RFFL: variants seen among roughly 807,000 people sequenced by gnomAD.
The protein encoded by RFFL is E3 ubiquitin-protein ligase rififylin.
A neutral mutation model predicts 40.4 loss-of-function variants in RFFL; 16 were observed. That is an observed-to-expected ratio of 0.40 (90% CI 0.27 to 0.60). The LOEUF is 0.60. Among genes scored for constraint, RFFL ranks in the 20% least tolerant of loss-of-function variants. RFFL has a pLI of 0.47. For missense variants in RFFL, 367 were observed against 451.7 expected, an observed-to-expected ratio of 0.81 and a Z score of 1.70; for synonymous variants, 154 against 167.9, an observed-to-expected ratio of 0.92 and a Z score of 0.64.
Position 35,026,604 on chromosome 17 carries a change from C to T in RFFL, c.-8-43G>A, listed in dbSNP as rs373143959. 1.6e-3 allele frequency: 2,469 copies of T among 1,514,104 alleles called. 4 individuals carry two copies. Among genetic ancestry groups the T allele is most frequent in the Non-Finnish European group, 2.1e-3 (2,297 of 1,103,360 alleles). The allele number at this position is 1,514,104 out of a possible 1,614,324, so 93.8% of individuals were successfully genotyped here. ...AGGGGAAAAGGTCAGAGTTAAGACA[C>T]ACCTCTACTGTCCTTTTGATGTCCG... On this transcript the variant is annotated intron_variant, in intron 1 of 6. Transcript: ENST00000394597.
intron 1 of RFFL, among the ~76,000 whole-genome samples, chr17:35,032,556 G>A (rs1226389765): frequency 6.6e-6 from 1 of 152,046 alleles, no homozygotes; most frequent in Non-Finnish European, 1.5e-5. Flanking sequence ...GCATGTATCT[G>A]TGTGTGGAGA....
chr17:35,012,875 A>G (rs558969942), intron 6 of RFFL, among the ~76,000 whole-genome samples: 2 of 152,308 alleles, frequency 1.3e-5, no homozygotes, highest in South Asian at 2.1e-4. Flanking sequence ...TATTCAATCA[A>G]TTTTTACAAT....
rs759232147 is a variant in RFFL at position 35,011,961 on chromosome 17, C to G, written c.*7G>C. The G allele has an allele frequency of 3.7e-6, 6 of 1,613,176 alleles. No homozygotes were observed. Among genetic ancestry groups the G allele is most frequent in the Non-Finnish European group, 5.1e-6 (6 of 1,179,574 alleles). ...CTGTAAGGCACTGAAGAAACCGATG[C>G]AAGCTCTCAGGACCGGAAGACATGC... On this transcript the variant is annotated 3_prime_UTR_variant, in exon 7 of 7. Coordinates refer to ENST00000394597, the MANE Select transcript of RFFL (RefSeq NM_001017368.2).
At chr17:35,033,294 C>T (rs1024376942) in intron 1 of RFFL, among the ~76,000 whole-genome samples, 18 of 151,762 alleles carry the variant, frequency 1.2e-4, no homozygotes, top group Admixed American at 6.6e-5. Context: ...TTTGGGAGGC[C>T]GAGGTGGGCA....
At chr17:35,039,455 T>C (rs1202799932) in intron 1 of RFFL, among the ~76,000 whole-genome samples, 2 of 151,774 alleles carry the variant, frequency 1.3e-5, no homozygotes, top group East Asian at 2.0e-4. Flanking sequence ...CCTAACGTCA[T>C]GATCCGCCCA....
intron 1 of RFFL, among the ~76,000 whole-genome samples, chr17:35,051,731 C>T (rs12937649): frequency 0.031 from 4,730 of 152,280 alleles, 232 homozygotes; most frequent in African/African-American, 0.11. Flanking sequence ...TAATTAAACG[C>T]TGGCCCCTTT....
intron 1 of RFFL, among the ~76,000 whole-genome samples, chr17:35,032,162 T>G (rs1230891734): frequency 7.2e-6 from 1 of 138,600 alleles, no homozygotes; most frequent in Admixed American, 7.1e-5. Context: ...AGGCAGGGAG[T>G]AGATGAGGGT....
intron 1 of RFFL, among the ~76,000 whole-genome samples, chr17:35,029,435 C>A (rs1284553151): frequency 6.6e-6 from 1 of 150,858 alleles, no homozygotes; most frequent in Non-Finnish European, 1.5e-5. Flanking sequence ...CCGCCGCCTC[C>A]CAGGTTTAAG....
At chr17:35,022,819 C>T (rs529214890) in intron 2 of RFFL, among the ~76,000 whole-genome samples, 2 of 152,334 alleles carry the variant, frequency 1.3e-5, no homozygotes, top group South Asian at 2.1e-4. Context: ...TAGACAGCAA[C>T]GGGAGGCTGT....
At chr17:35,049,739 C>T (rs1444822637) in intron 1 of RFFL, among the ~76,000 whole-genome samples, 1 of 152,176 alleles carries the variant, frequency 6.6e-6, no homozygotes, top group Non-Finnish European at 1.5e-5. Flanking sequence ...TCAGAAAACA[C>T]TCAAAAGATA....
At chr17:35,041,067 A>G (rs986003010) in intron 1 of RFFL, among the ~76,000 whole-genome samples, 1 of 151,346 alleles carries the variant, frequency 6.6e-6, no homozygotes, top group African/African-American at 2.4e-5. Flanking sequence ...TTCTAATTTC[A>G]CCATAACATT....
chr17:35,020,433 A>G (rs1211296154), intron 3 of RFFL, among the ~76,000 whole-genome samples: 2 of 150,196 alleles, frequency 1.3e-5, no homozygotes, highest in African/African-American at 4.9e-5. Context: ...TGAACTGCGC[A>G]TGCGAGGGAT....
At chr17:35,016,724 A>G (rs1206295393) in intron 4 of RFFL, 144 bp from the exon 5 acceptor site, 3 of 641,408 alleles carry the variant, frequency 4.7e-6, no homozygotes, top group Non-Finnish European at 5.5e-6. Context: ...AGTACCTGGC[A>G]TGGTGCTCTG....
In RFFL at chr17:35,080,118, CCTCT is replaced by C. The variant is rs543268511; in HGVS notation, c.-9+8983_-9+8986del. 2.6e-3 allele frequency among the ~76,000 whole-genome samples: 399 copies of C among 152,284 alleles called. 2 individuals are homozygous for C. The highest frequency in any genetic ancestry group is 0.015 in the South Asian group (71 of 4,830). On this transcript the variant is annotated intron_variant, in intron 1 of 6. Transcript: ENST00000315249. ...GCTAAGGCCCTAGAAAACACTCCTT[CCTCT>C]CTCTCCAAATTAGAACATTCCTTTG...
chr17:35,033,825 A>G (rs1368759626), intron 1 of RFFL, among the ~76,000 whole-genome samples: 1 of 151,790 alleles, frequency 6.6e-6, no homozygotes, highest in Non-Finnish European at 1.5e-5. Context: ...TGAGCAACAC[A>G]CTGAGACTCC....
At chr17:35,045,394 G>A (rs2091193208) in intron 1 of RFFL, among the ~76,000 whole-genome samples, 1 of 151,756 alleles carries the variant, frequency 6.6e-6, no homozygotes, top group African/African-American at 2.4e-5. Flanking sequence ...CACCATGCCT[G>A]GCTAATTTTT....
At position 35,055,685 on chromosome 17, in the gene RFFL, C is replaced by T. The variant is rs11870052; in HGVS notation, c.-9+7891G>A. 2.1e-5 allele frequency among the ~76,000 whole-genome samples: 3 copies of T among 142,136 alleles called. No homozygotes were observed. In the East Asian group the frequency reaches 6.0e-4, roughly 28 times the overall value. The allele number at this position is 142,136 out of a possible 152,430, so 93.2% of individuals were successfully genotyped here. A position where few individuals can be genotyped will look rare whatever the true frequency, so the allele number is the denominator to read the frequency against. ...AAACTCCATCTCAAAAAAAAACAAA[C>T]AAACAAACAAACAAAAAAAAAACAT... On this transcript the variant is annotated intron_variant, in intron 1 of 6. Transcript: ENST00000394597.
chr17:35,020,499 T>A (rs552401422), intron 3 of RFFL, among the ~76,000 whole-genome samples: 72 of 151,208 alleles, frequency 4.8e-4, no homozygotes, highest in Non-Finnish European at 9.1e-4. Flanking sequence ...CTGGGTAGAA[T>A]AGTTTCATCC....
upstream of RFFL, among the ~76,000 whole-genome samples, chr17:35,065,558 C>CAAAAAA (rs947708350): frequency 5.9e-5 from 3 of 51,020 alleles, no homozygotes; most frequent in African/African-American, 1.3e-4. Context: ...AACTTCGTCT[C>CAAAAAA]AAAAAAAAAA....
Sources: gnomAD v4.1 joint callset for allele counts (sites outside exome capture counted in the v4.1 genomes callset) on GRCh38, gnomAD v4.1.1 for gene constraint, MANE v1.5 for transcripts, NCBI Gene and HGNC (gene_info 2026-07-23, HGNC 2026-07-21) for gene names.